The following BICC1 variants were observed in gnomAD, a reference collection of about 807,000 sequenced individuals.
The protein encoded by BICC1 is protein bicaudal C homolog 1.
A neutral mutation model predicts 111.0 loss-of-function variants in BICC1; 43 were observed. The observed-to-expected ratio is 0.39, with a 90% CI of 0.30 to 0.50. The LOEUF (loss-of-function observed/expected upper bound fraction) is 0.50. Among genes scored for constraint, BICC1 ranks in the 20% least tolerant of loss-of-function variants. The pLI is 0.88. For missense variants in BICC1, 1,091 were observed against 1,203.2 expected (o/e 0.91, Z 1.38); for synonymous variants, 467 against 434.4 (o/e 1.07, Z -0.93).
intron 3 of BICC1, among the ~76,000 whole-genome samples, chr10:58,719,802 G>A (rs1840883658): frequency 6.6e-6 from 1 of 152,184 alleles, no homozygotes; most frequent in Non-Finnish European, 1.5e-5. Flanking sequence ...TAATTCAACA[G>A]TTATTTAAGT....
chr10:58,666,179 A>C (rs1247407478), intron 2 of BICC1, among the ~76,000 whole-genome samples: 1 of 152,218 alleles, frequency 6.6e-6, no homozygotes. Context: ...AAAAAACGTA[A>C]AATGACCTAC....
intron 1 of BICC1, among the ~76,000 whole-genome samples, chr10:58,518,970 A>G (rs990116947): frequency 3.9e-5 from 6 of 152,328 alleles, no homozygotes; most frequent in Admixed American, 1.3e-4. Context: ...TGTTATACCA[A>G]TGACTTTTAC....
chr10:58,802,824 T>G (rs2132880122), intron 14 of BICC1, among the ~76,000 whole-genome samples: 1 of 152,330 alleles, frequency 6.6e-6, no homozygotes, highest in South Asian at 2.1e-4. Context: ...AGCCCTACAG[T>G]CAGAGTGCCC....
At position 58,641,696 on chromosome 10, in the gene BICC1, A is replaced by AT. The variant is rs551949804; in HGVS notation, c.237+20796dup. On this transcript the variant is annotated intron_variant, in intron 2 of 20. Transcript: ENST00000373886. ...TAGCCTCTGTACTTTGTAATGGAGA[A>AT]TGAGTTGGCTGTGGGGTTAACAATG... 1.8e-3 allele frequency among the ~76,000 whole-genome samples: 281 copies of AT among 152,318 alleles called. 2 individuals are homozygous for AT. The highest frequency in any genetic ancestry group is 0.014 in the East Asian group (72 of 5,186).
chr10:58,563,107 T>A (rs2131955266), intron 1 of BICC1, among the ~76,000 whole-genome samples: 1 of 152,214 alleles, frequency 6.6e-6, no homozygotes, highest in East Asian at 1.9e-4. Flanking sequence ...CAGGGTGGCA[T>A]CATTGTGCTG....
At chr10:58,694,471 G>A (rs1840011332) in intron 2 of BICC1, among the ~76,000 whole-genome samples, 1 of 152,198 alleles carries the variant, frequency 6.6e-6, no homozygotes, top group Non-Finnish European at 1.5e-5. Context: ...GTGTATCATG[G>A]TAATGGAAAT....
At chr10:58,531,525 C>A (rs759029682) in intron 1 of BICC1, among the ~76,000 whole-genome samples, 5 of 151,674 alleles carry the variant, frequency 3.3e-5, no homozygotes. Flanking sequence ...ATATAAGGCA[C>A]ACAAACAGGG....
intron 3 of BICC1, among the ~76,000 whole-genome samples, chr10:58,775,510 T>G (rs879720114): frequency 1.3e-5 from 2 of 152,226 alleles, no homozygotes; most frequent in Non-Finnish European, 2.9e-5. Flanking sequence ...AAGATATTAT[T>G]CTTAAGAAAA....
intron 3 of BICC1, among the ~76,000 whole-genome samples, chr10:58,742,421 G>A (rs1237729538): frequency 2.1e-5 from 3 of 145,472 alleles, no homozygotes; most frequent in Non-Finnish European, 4.5e-5. Flanking sequence ...GAGGTCATGT[G>A]TATGCTTTAA....
intron 1 of BICC1, among the ~76,000 whole-genome samples, chr10:58,521,097 A>C (rs1412768115): frequency 2.6e-5 from 4 of 152,158 alleles, no homozygotes; most frequent in Non-Finnish European, 5.9e-5. Context: ...CGGTGTCTGT[A>C]TAATTCTTTT....
At chr10:58,625,110 C>T (rs10826207) in intron 2 of BICC1, among the ~76,000 whole-genome samples, 92,126 of 151,968 alleles carry the variant, frequency 0.61, 28,241 homozygotes, top group African/African-American at 0.67. Flanking sequence ...TTATAAAAGG[C>T]GGGAATGGAT....
chr10:58,564,175 T>A (rs1014484349), intron 1 of BICC1, among the ~76,000 whole-genome samples: 5 of 152,236 alleles, frequency 3.3e-5, no homozygotes, highest in African/African-American at 1.2e-4. Context: ...TTTCCTTTTC[T>A]TTTTCTTGAC....
intron 1 of BICC1, among the ~76,000 whole-genome samples, chr10:58,607,343 A>AATAAATAAATAAATAAATAAAT (rs1374739915): frequency 1.3e-5 from 2 of 151,836 alleles, no homozygotes; most frequent in Non-Finnish European, 2.9e-5. Flanking sequence ...TAAATAAATA[A>AATAAATAAATAAATAAATAAAT]AACTGTCATG....
Position 58,620,846 on chromosome 10 carries a change from T to A in BICC1, c.191-9T>A. 1 of 1,611,480 alleles carries A rather than the reference T, an allele frequency of 6.2e-7. No homozygotes were observed. Among genetic ancestry groups the A allele is most frequent in the Non-Finnish European group, 8.5e-7 (1 of 1,179,326 alleles). The stretch of plus-strand genomic sequence containing the variant: ...AAAGTATTTTAAATGTGCACATTTT[T>A]ATTTACAGCTGCTGCTGAAGGGAAA... On this transcript the variant is annotated splice_polypyrimidine_tract_variant and intron_variant, in intron 1 of 20. Coordinates refer to ENST00000373886, the MANE Select transcript of BICC1 (RefSeq NM_001080512.3).
At chr10:58,702,188 A>T (rs1275196538) in intron 3 of BICC1, 45 bp downstream of exon 3, 3 of 1,467,098 alleles carry the variant, frequency 2.0e-6, no homozygotes, top group African/African-American at 1.4e-5. Flanking sequence ...GATAACTGAG[A>T]TTATGGAATT....
chr10:58,691,584 A>T (rs1839909073), intron 2 of BICC1, among the ~76,000 whole-genome samples: 1 of 152,212 alleles, frequency 6.6e-6, no homozygotes, highest in African/African-American at 2.4e-5. Context: ...TAAGGAAAAT[A>T]GGTGCCAACA....
At chr10:58,624,494 AT>A (rs1210156450) in intron 2 of BICC1, among the ~76,000 whole-genome samples, 2 of 152,188 alleles carry the variant, frequency 1.3e-5, no homozygotes, top group East Asian at 1.9e-4. Context: ...TACTAAATCT[AT>A]TTTTTTAATC....
At chr10:58,804,628 A>G (rs971027604) in intron 15 of BICC1, among the ~76,000 whole-genome samples, 3 of 152,358 alleles carry the variant, frequency 2.0e-5, no homozygotes, top group South Asian at 4.1e-4. Context: ...AATCCCCTTT[A>G]TAATCTTTTG....
intron 3 of BICC1, among the ~76,000 whole-genome samples, chr10:58,714,070 GC>G: frequency 6.6e-6 from 1 of 152,172 alleles, no homozygotes; most frequent in Admixed American, 6.5e-5. Flanking sequence ...ATCCTACCCT[GC>G]AGAAGACAGC....
Sources: allele counts gnomAD v4.1 joint callset (sites outside exome capture counted in the v4.1 genomes callset), GRCh38; gene constraint gnomAD v4.1.1; transcripts MANE v1.5; gene names NCBI Gene and HGNC (gene_info 2026-07-23, HGNC 2026-07-21).